The following HELZ variants were observed in gnomAD, a reference collection of about 807,000 sequenced individuals.
HELZ encodes the protein helicase with zinc finger, also known as ATP-dependent RNA helicase with zinc finger domain.
Under a neutral mutation model 218.2 loss-of-function variants are expected in HELZ, and 23 were observed. The ratio of observed to expected loss-of-function variants is 0.11; its 90% CI spans 0.08 to 0.15. HELZ has a LOEUF of 0.15. Ranked by LOEUF, HELZ falls within the 10% of genes least tolerant of loss-of-function variation. HELZ has a pLI of 1.00. For synonymous variants in HELZ, 814 were observed against 829.4 expected, an observed-to-expected ratio of 0.98 and a Z score of 0.32; for missense variants, 1,813 against 2,353.7, an observed-to-expected ratio of 0.77 and a Z score of 4.75.
At chr17:67,204,797 T>C (rs962921897) in intron 5 of HELZ, among the ~76,000 whole-genome samples, 9 of 152,110 alleles carry the variant, frequency 5.9e-5, no homozygotes, top group Non-Finnish European at 8.8e-5. Context: ...TGTTATCTAG[T>C]GAAACTCCAA....
chr17:67,130,397 G>T (rs936426485), intron 23 of HELZ, among the ~76,000 whole-genome samples: 3 of 151,942 alleles, frequency 2.0e-5, no homozygotes, highest in Admixed American at 2.0e-4. Flanking sequence ...ATAAGCAAAT[G>T]GGTTCAGAAA....
At chr17:67,146,334 A>C (rs942658490) in intron 20 of HELZ, among the ~76,000 whole-genome samples, 1 of 152,180 alleles carries the variant, frequency 6.6e-6, no homozygotes, top group African/African-American at 2.4e-5. Flanking sequence ...CCATGTTTAG[A>C]TATACAAATA....
At chr17:67,196,140 C>A (rs1322881615) in intron 7 of HELZ, among the ~76,000 whole-genome samples, 1 of 152,122 alleles carries the variant, frequency 6.6e-6, no homozygotes, top group Non-Finnish European at 1.5e-5. Flanking sequence ...GCGTGAGCCA[C>A]CACGCCCGGC....
chr17:67,083,711 A>G (rs578258707), intron 32 of HELZ, among the ~76,000 whole-genome samples: 61 of 152,364 alleles, frequency 4.0e-4, no homozygotes, highest in Admixed American at 3.4e-3. Context: ...AATGTCTGCT[A>G]AAGTATGTCT....
At chr17:67,135,311 T>G (rs2038116160) in intron 23 of HELZ, among the ~76,000 whole-genome samples, 1 of 152,112 alleles carries the variant, frequency 6.6e-6, no homozygotes, top group South Asian at 2.1e-4. Flanking sequence ...TCATCAAAAA[T>G]TAGAACAATT....
intron 24 of HELZ, among the ~76,000 whole-genome samples, chr17:67,127,869 T>C (rs1262245740): frequency 2.0e-5 from 3 of 152,080 alleles, no homozygotes; most frequent in Non-Finnish European, 4.4e-5. Context: ...TTACATTTTT[T>C]AAAGGAAGTG....
chr17:67,244,203 C>T (rs1377576430), intron 1 of HELZ, among the ~76,000 whole-genome samples: 1 of 152,166 alleles, frequency 6.6e-6, no homozygotes, highest in Non-Finnish European at 1.5e-5. Context: ...ACAACTCCTC[C>T]CTCCTTCCCC....
rs200749185 is a variant in HELZ at position 67,123,100 on chromosome 17, G to T, written c.3500C>A (p.Pro1167His). 6.2e-7 allele frequency: 1 copy of T among 1,613,352 alleles called. No homozygotes were observed. Among genetic ancestry groups the T allele is most frequent in the Non-Finnish European group, 8.5e-7 (1 of 1,179,426 alleles). The change falls in exon 26 of 33, where the codon CCT (proline) becomes CAT (histidine). Residue 1167 changes from proline to histidine, a missense_variant. Coordinates refer to ENST00000358691, the MANE Select transcript of HELZ (RefSeq NM_014877.4). ...NPIRAYTPPP[P>H]LGPHPNLGKS... ...TCCCAAATTTGGGTGAGGTCCAAGA[G>T]GGGGTGGAGGAGTATATGCTCTAAT...
intron 3 of HELZ, among the ~76,000 whole-genome samples, chr17:67,234,822 TC>T (rs963262029): frequency 6.6e-6 from 1 of 152,096 alleles, no homozygotes; most frequent in African/African-American, 2.4e-5. Context: ...CACCCACATT[TC>T]TGACATAACC....
At chr17:67,096,014 A>ATG (rs907864987) in intron 31 of HELZ, among the ~76,000 whole-genome samples, 39 of 152,316 alleles carry the variant, frequency 2.6e-4, no homozygotes, top group Admixed American at 2.5e-3. Flanking sequence ...TGCAGAATGG[A>ATG]TGTGTTAGCA....
chr17:67,132,466 G>A (rs893592468), intron 23 of HELZ, among the ~76,000 whole-genome samples: 6 of 152,220 alleles, frequency 3.9e-5, no homozygotes, highest in African/African-American at 9.6e-5. Context: ...TAACCAGAGA[G>A]AAGAATGTGG....
chr17:67,138,957 A>T (rs1016841285), intron 21 of HELZ, among the ~76,000 whole-genome samples: 4 of 152,140 alleles, frequency 2.6e-5, no homozygotes, highest in African/African-American at 9.7e-5. Context: ...TAGAAAAGAG[A>T]GTCATAATAA....
chr17:67,180,982 G>A (rs2039594716), intron 12 of HELZ, among the ~76,000 whole-genome samples: 1 of 151,756 alleles, frequency 6.6e-6, no homozygotes, highest in Non-Finnish European at 1.5e-5. Context: ...GAACCCAAGA[G>A]GCAGAGGATG....
intron 31 of HELZ, among the ~76,000 whole-genome samples, chr17:67,089,161 C>T (rs558081487): frequency 6.6e-6 from 1 of 152,160 alleles, no homozygotes; most frequent in Non-Finnish European, 1.5e-5. Context: ...TCAGAAAGAG[C>T]AGATTATGAT....
chr17:67,088,818 A>G (rs2036470867), intron 31 of HELZ, among the ~76,000 whole-genome samples: 1 of 152,232 alleles, frequency 6.6e-6, no homozygotes, highest in African/African-American at 2.4e-5. Context: ...TAGAATGTTA[A>G]CCATCCAAAT....
intron 5 of HELZ, among the ~76,000 whole-genome samples, chr17:67,214,259 C>CTTTT (rs777420102): frequency 1.6e-3 from 139 of 87,724 alleles, no homozygotes; most frequent in Non-Finnish European, 1.9e-3. Context: ...ATTAATATTT[C>CTTTT]TTTTTTTTTT....
chr17:67,106,283 A>T (rs2037096604), intron 31 of HELZ, among the ~76,000 whole-genome samples: 1 of 151,878 alleles, frequency 6.6e-6, no homozygotes, highest in African/African-American at 2.4e-5. Context: ...GATGCTCTTT[A>T]GAAATATCTA....
At chr17:67,191,016 AT>A (rs1239455081) in intron 9 of HELZ, among the ~76,000 whole-genome samples, 2 of 152,064 alleles carry the variant, frequency 1.3e-5, no homozygotes, top group African/African-American at 2.4e-5. Flanking sequence ...CCAGAGTAGG[AT>A]TTTTTTAAGC....
chr17:67,209,033 A>AAGGGAGGG (rs1177640990), intron 5 of HELZ, among the ~76,000 whole-genome samples: 1 of 112,486 alleles, frequency 8.9e-6, no homozygotes, highest in African/African-American at 3.8e-5. Context: ...GGAAGGGAGG[A>AAGGGAGGG]AGGGAGGGAG....
Sources: allele counts gnomAD v4.1 joint callset (sites outside exome capture counted in the v4.1 genomes callset), GRCh38; gene constraint gnomAD v4.1.1; transcripts MANE v1.5; gene names NCBI Gene and HGNC (gene_info 2026-07-23, HGNC 2026-07-21).